Variants in SMAD1 observed in about 807,000 individuals in gnomAD.
SMAD1 encodes MAD, mothers against decapentaplegic homolog 1.
In SMAD1, 6 loss-of-function variants were observed where a neutral mutation model predicts 41.6. The ratio of observed to expected loss-of-function variants is 0.14; its 90% CI spans 0.08 to 0.28. The LOEUF is 0.28. Among genes scored for constraint, SMAD1 ranks in the 10% least tolerant of loss-of-function variants. The pLI is 1.00. For synonymous variants in SMAD1, 206 were observed against 203.2 expected (o/e 1.01, Z -0.12); for missense variants, 379 against 582.6 (o/e 0.65, Z 3.60).
intron 1 of SMAD1, among the ~76,000 whole-genome samples, chr4:145,498,751 A>G (rs990212014): frequency 1.3e-5 from 2 of 152,188 alleles, no homozygotes; most frequent in East Asian, 3.8e-4. Context: ...CAGTTGTGGT[A>G]TGGTTTTCTT....
chr4:145,488,317 G>C (rs1305818275), intron 1 of SMAD1, among the ~76,000 whole-genome samples: 1 of 152,116 alleles, frequency 6.6e-6, no homozygotes, highest in Non-Finnish European at 1.5e-5. Flanking sequence ...GGGTCTCTCT[G>C]TTGATTCAGA....
chr4:145,557,684 A>G (rs1732919841), intron 6 of SMAD1, 107 bp from the exon 7 acceptor site: 1 of 799,146 alleles, frequency 1.3e-6, no homozygotes, highest in Non-Finnish European at 1.9e-6. Flanking sequence ...CAGGGAGGAA[A>G]GATGCATAGC....
chr4:145,510,069 A>G (rs1729994631), intron 1 of SMAD1, among the ~76,000 whole-genome samples: 1 of 151,898 alleles, frequency 6.6e-6, no homozygotes, highest in Admixed American at 6.6e-5. Flanking sequence ...ATGTAGCTAT[A>G]GACATGCACC....
chr4:145,545,557 T>TG (rs199705181), intron 4 of SMAD1: 44,387 of 141,022 alleles, frequency 0.31, 7,947 homozygotes, highest in Non-Finnish European at 0.42. Flanking sequence ...TTGTTTTTTT[T>TG]TTGTGTGTGT....
At chr4:145,491,203 A>G (rs1264461225) in intron 1 of SMAD1, among the ~76,000 whole-genome samples, 1 of 152,254 alleles carries the variant, frequency 6.6e-6, no homozygotes, top group African/African-American at 2.4e-5. Flanking sequence ...AGAAAGACTT[A>G]TATCAATAGG....
rs7670403 is a variant in SMAD1, at chr4:145,515,090, C to A, written c.400+77C>A. The A allele has an allele frequency of 2.8e-3, 3,845 of 1,376,636 alleles. 71 individuals are homozygous for A. The African/African-American group carries it at 0.039, about 14-fold the overall frequency. The allele number at this position is 1,376,636 out of a possible 1,614,324, so 85.3% of individuals were successfully genotyped here. A position where few individuals can be genotyped will look rare whatever the true frequency, so the allele number is the denominator to read the frequency against. The stretch of plus-strand genomic sequence containing the variant: ...GTGTTGTTTAGAACATGAAAATAAT[C>A]CCTTTGCTTGTTTTTAGTTGTAATT... On this transcript the variant is annotated intron_variant, in intron 2 of 6. Coordinates refer to ENST00000302085, the MANE Select transcript of SMAD1 (RefSeq NM_005900.3).
At chr4:145,487,126 A>G (rs114320086) in intron 1 of SMAD1, among the ~76,000 whole-genome samples, 3 of 152,304 alleles carry the variant, frequency 2.0e-5, no homozygotes, top group African/African-American at 7.2e-5. Context: ...CCCTATATCT[A>G]ATTTAATCAA....
At chr4:145,517,147 G>GA (rs1220349112) in intron 2 of SMAD1, 3 of 152,176 alleles carry the variant, frequency 2.0e-5, no homozygotes, top group Non-Finnish European at 4.4e-5. Flanking sequence ...CTACTCTTGA[G>GA]AAGTCCTCTA....
intron 2 of SMAD1, among the ~76,000 whole-genome samples, chr4:145,529,062 A>AG (rs748930882): frequency 5.4e-4 from 83 of 152,342 alleles, no homozygotes; most frequent in Non-Finnish European, 1.1e-3. Context: ...AGAAAATCTG[A>AG]GAAGTACTAT....
intron 1 of SMAD1, among the ~76,000 whole-genome samples, chr4:145,498,998 A>G (rs2126316075): frequency 6.6e-6 from 1 of 152,132 alleles, no homozygotes. Flanking sequence ...TTTACCTCTT[A>G]TTGCCACCTT....
At chr4:145,520,735 A>G (rs1730696060) in intron 2 of SMAD1, among the ~76,000 whole-genome samples, 2 of 152,168 alleles carry the variant, frequency 1.3e-5, no homozygotes, top group South Asian at 2.1e-4. Flanking sequence ...GCTCAGTGCA[A>G]GTTTTGGAAT....
chr4:145,508,604 T>A (rs1729915186), intron 1 of SMAD1, among the ~76,000 whole-genome samples: 1 of 152,200 alleles, frequency 6.6e-6, no homozygotes. Flanking sequence ...ATTCTACTTA[T>A]CCTTTAAGTC....
chr4:145,542,025 T>C (rs1489420706), intron 3 of SMAD1, among the ~76,000 whole-genome samples: 1 of 152,270 alleles, frequency 6.6e-6, no homozygotes, highest in Non-Finnish European at 1.5e-5. Flanking sequence ...CTAGAGATTT[T>C]AAAGCTAGTG....
chr4:145,518,447 C>T lies in SMAD1; in HGVS notation c.400+3434C>T, dbSNP rs528171576. The stretch of plus-strand genomic sequence containing the variant: ...CAGGTTGTAGTGAGCCAAGATCATG[C>T]CATTGCACTCCAGCCTGGGGGACAA... On this transcript the variant is annotated intron_variant, in intron 2 of 6. Transcript: ENST00000302085. Among the ~76,000 whole-genome samples the T allele has an allele frequency of 1.9e-4, 23 of 120,368 alleles. 8 individuals carry two copies. Among genetic ancestry groups the T allele is most frequent in the Non-Finnish European group, 4.7e-4 (23 of 49,172 alleles). The allele number at this position is 120,368 out of a possible 152,430, so 79.0% of individuals were successfully genotyped here.
At chr4:145,549,047 AC>A (rs146613907) in intron 5 of SMAD1, among the ~76,000 whole-genome samples, 2,045 of 152,330 alleles carry the variant, frequency 0.013, 59 homozygotes, top group African/African-American at 0.046. Context: ...AAAGCAAGAA[AC>A]ATTCTATTAA....
chr4:145,518,914 A>G (rs1254830802), intron 2 of SMAD1, among the ~76,000 whole-genome samples: 1 of 125,498 alleles, frequency 8.0e-6, no homozygotes, highest in African/African-American at 2.5e-5. Context: ...AATTGTATAT[A>G]TTTGTGGAAT....
intron 2 of SMAD1, among the ~76,000 whole-genome samples, chr4:145,532,428 GT>G (rs749464060): frequency 1.9e-4 from 29 of 152,128 alleles, no homozygotes; most frequent in Non-Finnish European, 2.9e-5. Flanking sequence ...ACCTAGGGGC[GT>G]TTTTTCAGAA....
chr4:145,491,009 A>G (rs1404243378), intron 1 of SMAD1, among the ~76,000 whole-genome samples: 1 of 152,162 alleles, frequency 6.6e-6, no homozygotes, highest in Non-Finnish European at 1.5e-5. Flanking sequence ...AGTTTGATTT[A>G]TGCCACTGGG....
At chr4:145,483,663 C>T (rs149968104) in intron 1 of SMAD1, among the ~76,000 whole-genome samples, 1 of 152,308 alleles carries the variant, frequency 6.6e-6, no homozygotes, top group East Asian at 1.9e-4. Context: ...TATTTCTGTG[C>T]AGGTGGTGTA....
Sources: allele counts gnomAD v4.1 joint callset (sites outside exome capture counted in the v4.1 genomes callset), GRCh38; gene constraint gnomAD v4.1.1; transcripts MANE v1.5; gene names NCBI Gene and HGNC (gene_info 2026-07-23, HGNC 2026-07-21).